Variants in APCDD1 observed in about 807,000 individuals in gnomAD.
The protein encoded by APCDD1 is APC down-regulated 1, also known as protein APCDD1.
Under a neutral mutation model 38.1 loss-of-function variants are expected in APCDD1, and 15 were observed. The ratio of observed to expected loss-of-function variants is 0.39; its 90% CI spans 0.26 to 0.61. The LOEUF (loss-of-function observed/expected upper bound fraction) is 0.61. Among genes scored for constraint, APCDD1 ranks in the 20% least tolerant of loss-of-function variants. The probability of loss-of-function intolerance (pLI) is 0.49; values close to 1 mark genes in which losing one functional copy is unlikely to be tolerated. For synonymous variants in APCDD1, 261 were observed against 279.7 expected (o/e 0.93, Z 0.67); for missense variants, 647 against 696.2 (o/e 0.93, Z 0.79).
intron 1 of APCDD1, among the ~76,000 whole-genome samples, chr18:10,460,341 C>T (rs1348061613): frequency 2.6e-5 from 4 of 152,118 alleles, no homozygotes; most frequent in African/African-American, 7.2e-5. Context: ...GCCTGGCCAA[C>T]GCGGCGAAAC....
Position 10,475,803 on chromosome 18 carries a change from G to GGGC in APCDD1, c.774+3744_774+3745insCGG, listed in dbSNP as rs1555645223. 21 of 151,306 alleles carry GGGC rather than the reference G, an allele frequency of 1.4e-4. 1 individual carries two copies. Among genetic ancestry groups the GGGC allele is most frequent in the African/African-American group, 4.4e-4 (18 of 41,064 alleles). 9.4% of individuals were successfully genotyped at this position (151,306 alleles called of 1,614,324 possible). On this transcript the variant is annotated intron_variant, in intron 3 of 4. Coordinates refer to ENST00000355285, the MANE Select transcript of APCDD1 (RefSeq NM_153000.5). The surrounding 1 kb of genome is among the most constrained non-coding windows in gnomAD (Gnocchi z 4.0). ...CTCGCAAGATGGCTGAGGGGGGGGGGGGTCAGTGGAAGGCCGAGTGGCTCT... is the reference window on the plus strand; with the variant it reads ...CTCGCAAGATGGCTGAGGGGGGGGGGGGCGGTCAGTGGAAGGCCGAGTGGCTCT...
chr18:10,468,727 A>T, intron 2 of APCDD1, 75 bp downstream of exon 2: 1 of 1,451,568 alleles, frequency 6.9e-7, no homozygotes, highest in Non-Finnish European at 9.6e-7. Flanking sequence ...GGGTTCTCAG[A>T]TGCAGAGACT....
At chr18:10,478,420 G>A (rs936322606) in intron 3 of APCDD1, among the ~76,000 whole-genome samples, 2 of 152,194 alleles carry the variant, frequency 1.3e-5, no homozygotes, top group Admixed American at 6.5e-5. Context: ...TAGCAAAGCA[G>A]CATGGACTGG....
chr18:10,459,022 T>C (rs968240393), intron 1 of APCDD1, among the ~76,000 whole-genome samples: 2 of 152,180 alleles, frequency 1.3e-5, no homozygotes, highest in African/African-American at 4.8e-5. Flanking sequence ...GGAGAAAGGA[T>C]ATGGTATCAT....
chr18:10,468,478 A>T lies in APCDD1; in HGVS notation c.68A>T (p.Glu23Val), dbSNP rs779788793. 4 of 1,613,952 alleles carry T rather than the reference A, an allele frequency of 2.5e-6. No homozygotes were observed. In the African/African-American group the frequency reaches 5.3e-5, roughly 22 times the overall value. ...CACCTTTATTTTTCAGGGCTGGGAG[A>T]GGGTTCTGCCCTCCTTCATCCAGAC... The part of the protein sequence containing the change: ...FPALLLHGLG[E>V]GSALLHPDSR... Residue 23 changes from glutamate (E) to valine (V), a missense_variant, in exon 2 of 5, where the codon GAG becomes GTG. By Grantham distance (121) the Glu-to-Val change is moderately radical. Coordinates refer to ENST00000355285, the MANE Select transcript of APCDD1 (RefSeq NM_153000.5).
intron 3 of APCDD1, among the ~76,000 whole-genome samples, chr18:10,484,974 T>G: frequency 6.6e-6 from 1 of 152,232 alleles, no homozygotes; most frequent in South Asian, 2.1e-4. Flanking sequence ...AATTCTGTTT[T>G]GTTGTTTTTT....
intron 1 of APCDD1, among the ~76,000 whole-genome samples, chr18:10,460,913 C>G (rs79765761): frequency 0.018 from 2,699 of 152,258 alleles, 70 homozygotes; most frequent in African/African-American, 0.061. Context: ...TGTGCATGAT[C>G]TGGTGAATTC....
chr18:10,478,962 C>A (rs1300037022), intron 3 of APCDD1, among the ~76,000 whole-genome samples: 1 of 152,224 alleles, frequency 6.6e-6, no homozygotes, highest in African/African-American at 2.4e-5. Context: ...CCATTTAATT[C>A]TTTACATGTC....
chr18:10,486,595 G>T (rs1182064318), intron 4 of APCDD1, among the ~76,000 whole-genome samples: 1 of 152,190 alleles, frequency 6.6e-6, no homozygotes. Flanking sequence ...CTGTGGGAAG[G>T]TTCAGGCTGT....
chr18:10,480,678 A>G (rs1412491597), intron 3 of APCDD1, among the ~76,000 whole-genome samples: 1 of 150,880 alleles, frequency 6.6e-6, no homozygotes, highest in Non-Finnish European at 1.5e-5. Flanking sequence ...CCTGGGCAAC[A>G]TGGTGAAACC....
At position 10,485,017 on chromosome 18, in the gene APCDD1, C is replaced by G. The variant is rs2031217920; in HGVS notation, c.775-445C>G. ...TTTGTTTTGTTTTTTGAGGAACCACCTTACTGTTTTCCATAGTGGCTGGAC... is the reference window on the plus strand; with the variant it reads ...TTTGTTTTGTTTTTTGAGGAACCACGTTACTGTTTTCCATAGTGGCTGGAC... On this transcript the variant is annotated intron_variant, in intron 3 of 4. Transcript: ENST00000355285. The surrounding 1 kb of genome is among the most constrained non-coding windows in gnomAD (Gnocchi z 5.8). Among the ~76,000 whole-genome samples the G allele has an allele frequency of 6.6e-6, 1 of 152,140 alleles. No individual in the cohort carries two copies. Among genetic ancestry groups the G allele is most frequent in the Non-Finnish European group, 1.5e-5 (1 of 68,036 alleles).
intron 1 of APCDD1, among the ~76,000 whole-genome samples, chr18:10,464,044 T>C (rs1421525797): frequency 2.0e-5 from 3 of 152,226 alleles, no homozygotes; most frequent in East Asian, 1.9e-4. Flanking sequence ...AACCCTGGGC[T>C]ATTTAATGTC....
chr18:10,472,735 C>G lies in APCDD1; in HGVS notation c.774+674C>G, dbSNP rs184928399. On this transcript the variant is annotated intron_variant, in intron 3 of 4. Coordinates refer to ENST00000355285, the MANE Select transcript of APCDD1 (RefSeq NM_153000.5). This position sits in a 1 kb window ranked among gnomAD's most constrained non-coding sequence, Gnocchi z 6.6. ...AAGGAAAATGTAAAGTCACCATAAT[C>G]AGAAGAGGGGACTAAGGAGAGCAGG... 3.3e-5 allele frequency among the ~76,000 whole-genome samples: 5 copies of G among 152,346 alleles called. No individual in the cohort carries two copies. The highest frequency in any genetic ancestry group is 2.6e-4 in the Admixed American group (4 of 15,306).
rs544946197 is a variant in APCDD1, at chr18:10,483,539, A to T, written c.775-1923A>T. ...TTAGTGAGCAGCAGCTGGGAAGCCCACAGCTCTTCCTGCCCTCTCTGGGAA... is the reference window on the plus strand; with the variant it reads ...TTAGTGAGCAGCAGCTGGGAAGCCCTCAGCTCTTCCTGCCCTCTCTGGGAA... On this transcript the variant is annotated intron_variant, in intron 3 of 4. Transcript: ENST00000355285. Among the ~76,000 whole-genome samples the T allele has an allele frequency of 4.6e-5, 7 of 152,362 alleles. No individual in the cohort carries two copies. The South Asian group carries it at 1.0e-3, about 23-fold the overall frequency.
At position 10,488,313 on chromosome 18, in the gene APCDD1, T is replaced by C; in HGVS notation, c.*275T>C. On this transcript the variant is annotated 3_prime_UTR_variant, in exon 5 of 5. Transcript: ENST00000355285. The stretch of plus-strand genomic sequence containing the variant: ...AGCCTAGAGTTCTGGACGAGCGTGT[T>C]TGGTAGCAGGGATGAAAGCTAGGGC... 2.4e-6 allele frequency: 1 copy of C among 418,694 alleles called. No homozygotes were observed. Among genetic ancestry groups the C allele is most frequent in the Non-Finnish European group, 4.2e-6 (1 of 236,768 alleles). 25.9% of individuals were successfully genotyped at this position (418,694 alleles called of 1,614,324 possible).
rs749207157 is a variant in APCDD1, at chr18:10,467,248, A to T, written c.59-1221A>T. ...GAATCTAACTTCTCATTTTCAAATC[A>T]TCTCTCAGAAACCGTGCCTTCTCTA... On this transcript the variant is annotated intron_variant, in intron 1 of 4. Coordinates refer to ENST00000355285, the MANE Select transcript of APCDD1 (RefSeq NM_153000.5). This position sits in a 1 kb window ranked among gnomAD's most constrained non-coding sequence, Gnocchi z 4.8. Among the ~76,000 whole-genome samples, 1 of 152,232 alleles carries T rather than the reference A, an allele frequency of 6.6e-6. No individual in the cohort carries two copies. The highest frequency in any genetic ancestry group is 2.4e-5 in the African/African-American group (1 of 41,464).
chr18:10,487,614 T>C lies in APCDD1; in HGVS notation c.1121T>C (p.Met374Thr). Reference sequence around the variant, plus strand: ...GTGAATCACATGAAGGTCACCCCCATGGATGCGGCCACAGCCTCACTGCTC... The same window carrying C: ...GTGAATCACATGAAGGTCACCCCCACGGATGCGGCCACAGCCTCACTGCTC... ...FKVNHMKVTP[M>T]DAATASLLNV... Residue 374 changes from methionine to threonine, a missense_variant, in exon 5 of 5, where the codon ATG (methionine) becomes ACG (threonine). Physicochemically the swap from Met to Thr is moderately conservative, Grantham distance 81. Transcript: ENST00000355285. 2 of 1,614,158 alleles carry C rather than the reference T, an allele frequency of 1.2e-6. No homozygotes were observed. The highest frequency in any genetic ancestry group is 1.1e-5 in the South Asian group (1 of 91,088).
chr18:10,459,280 T>C (rs1233742878), intron 1 of APCDD1, among the ~76,000 whole-genome samples: 2 of 151,618 alleles, frequency 1.3e-5, no homozygotes, highest in Non-Finnish European at 2.9e-5. Flanking sequence ...CTGCAGTTGA[T>C]TGCACTATTT....
At position 10,468,479 on chromosome 18, in the gene APCDD1, G is replaced by A. The variant is rs749566230; in HGVS notation, c.69G>A (p.Glu23=). ...FPALLLHGLG[E]GSALLHPDSR... is the part of the protein sequence containing the mutation. ...ACCTTTATTTTTCAGGGCTGGGAGAGGGTTCTGCCCTCCTTCATCCAGACA... is the reference window on the plus strand; with the variant it reads ...ACCTTTATTTTTCAGGGCTGGGAGAAGGTTCTGCCCTCCTTCATCCAGACA... The change falls in exon 2 of 5, where the codon GAG becomes GAA. Residue 23 remains glutamate, a synonymous_variant. Coordinates refer to ENST00000355285, the MANE Select transcript of APCDD1 (RefSeq NM_153000.5). 9.9e-6 allele frequency: 16 copies of A among 1,614,062 alleles called. No individual in the cohort carries two copies. The African/African-American group carries it at 2.0e-4, about 20-fold the overall frequency.
Sources: gnomAD v4.1 joint callset for allele counts (sites outside exome capture counted in the v4.1 genomes callset) on GRCh38, gnomAD v4.1.1 for gene constraint, Gnocchi (gnomAD v3.1) non-coding constraint, MANE v1.5 for transcripts, NCBI Gene and HGNC (gene_info 2026-07-23, HGNC 2026-07-21) for gene names.